PCCA: variants seen among roughly 807,000 people sequenced by gnomAD.
PCCA encodes propionyl-CoA carboxylase alpha chain, mitochondrial.
A neutral mutation model predicts 101.3 loss-of-function variants in PCCA; 74 were observed. That is an observed-to-expected ratio of 0.73 (90% CI 0.61 to 0.89). PCCA has a LOEUF of 0.89. PCCA is among the 40% of genes least tolerant of loss of function. The probability of loss-of-function intolerance (pLI) is 0.00; values close to 1 mark genes in which losing one functional copy is unlikely to be tolerated. For missense variants in PCCA, 891 were observed against 907.0 expected, an observed-to-expected ratio of 0.98 and a Z score of 0.23; for synonymous variants, 294 against 313.6, an observed-to-expected ratio of 0.94 and a Z score of 0.66.
intron 21 of PCCA, among the ~76,000 whole-genome samples, chr13:100,503,142 A>C (rs1248198515): frequency 6.6e-6 from 1 of 152,212 alleles, no homozygotes; most frequent in Non-Finnish European, 1.5e-5. Context: ...GAGGCTCAGC[A>C]CAGCCATGCT....
intron 19 of PCCA, among the ~76,000 whole-genome samples, chr13:100,409,719 A>C (rs2077914217): frequency 6.6e-6 from 1 of 152,192 alleles, no homozygotes; most frequent in African/African-American, 2.4e-5. Context: ...ACAACTGTCC[A>C]AACTATATCA....
At chr13:100,426,327 C>T (rs1489438032) in intron 20 of PCCA, among the ~76,000 whole-genome samples, 1 of 151,522 alleles carries the variant, frequency 6.6e-6, no homozygotes. Flanking sequence ...AAATTCTTCA[C>T]CTTACCTCAT....
At position 100,141,568 on chromosome 13, in the gene PCCA, G is replaced by A. The variant is rs186851082; in HGVS notation, c.301-13411G>A. ...TGGGATTACAGGCATGCACCACCAT[G>A]TCCAGCTGATTTTTTTGTATTTTTA... On this transcript the variant is annotated intron_variant, in intron 4 of 23. Transcript: ENST00000376285. 3.5e-3 allele frequency among the ~76,000 whole-genome samples: 539 copies of A among 152,106 alleles called. 7 individuals carry two copies. The highest frequency in any genetic ancestry group is 0.013 in the African/African-American group (519 of 41,478).
intron 13 of PCCA, 107 bp from the exon 14 acceptor site, chr13:100,302,817 T>G (rs1393186290): frequency 1.3e-6 from 1 of 761,170 alleles, no homozygotes; most frequent in Non-Finnish European, 2.4e-6. Flanking sequence ...GTAAATACCA[T>G]ATGTTGAAAA....
intron 4 of PCCA, among the ~76,000 whole-genome samples, chr13:100,136,040 TG>T (rs1213363437): frequency 1.3e-5 from 2 of 152,150 alleles, no homozygotes; most frequent in African/African-American, 4.8e-5. Context: ...CTTAATTTTT[TG>T]TTAAGGATTT....
intron 7 of PCCA, among the ~76,000 whole-genome samples, chr13:100,222,168 G>A (rs1331913870): frequency 6.6e-6 from 1 of 152,174 alleles, no homozygotes; most frequent in East Asian, 1.9e-4. Flanking sequence ...AGCCTCCGGA[G>A]TAGCTGGGAT....
chr13:100,254,839 T>C (rs1237385267), intron 8 of PCCA, among the ~76,000 whole-genome samples: 4 of 151,988 alleles, frequency 2.6e-5, no homozygotes, highest in South Asian at 4.2e-4. Context: ...CCCAGCACTT[T>C]GGGAGGCCAA....
chr13:100,260,333 T>G (rs1240813623), intron 9 of PCCA, among the ~76,000 whole-genome samples: 4 of 151,980 alleles, frequency 2.6e-5, no homozygotes, highest in Non-Finnish European at 4.4e-5. Flanking sequence ...AAATTTGTCT[T>G]CTAGTCAGTT....
intron 22 of PCCA, chr13:100,527,384 G>A (rs2087931369): frequency 3.8e-6 from 2 of 532,912 alleles, no homozygotes; most frequent in Non-Finnish European, 7.3e-6. Flanking sequence ...ACCTCTGTTA[G>A]TGGCAGAGCC....
At chr13:100,217,980 C>G (rs2059613992) in intron 7 of PCCA, among the ~76,000 whole-genome samples, 1 of 150,884 alleles carries the variant, frequency 6.6e-6, no homozygotes, top group Admixed American at 6.6e-5. Context: ...GAGGCTGAGG[C>G]AGGAGAATCA....
chr13:100,463,685 G>A (rs981872086), intron 21 of PCCA, among the ~76,000 whole-genome samples: 1 of 152,134 alleles, frequency 6.6e-6, no homozygotes, highest in African/African-American at 2.4e-5. Context: ...CAGAGGTGAG[G>A]TCCTAAGCCA....
intron 19 of PCCA, among the ~76,000 whole-genome samples, chr13:100,410,329 A>C (rs1482277709): frequency 6.6e-6 from 1 of 151,780 alleles, no homozygotes; most frequent in African/African-American, 2.4e-5. Flanking sequence ...TGCAACCTCC[A>C]CCTCCTGGGT....
chr13:100,480,212 C>G (rs2083777045), intron 21 of PCCA: 2 of 150,056 alleles, frequency 1.3e-5, no homozygotes. Flanking sequence ...TTGCAAAGCT[C>G]CATATTACTA....
chr13:100,136,331 G>A (rs71439652), intron 4 of PCCA, among the ~76,000 whole-genome samples: 37,747 of 151,484 alleles, frequency 0.25, 5,397 homozygotes, highest in Middle Eastern at 0.44. Context: ...GGTTACAGGC[G>A]TGCACCACCA....
chr13:100,184,841 T>C (rs1032250746), intron 6 of PCCA, among the ~76,000 whole-genome samples: 2 of 152,132 alleles, frequency 1.3e-5, no homozygotes, highest in African/African-American at 4.8e-5. Flanking sequence ...ACAAACGTGG[T>C]GGGCTGGATT....
At chr13:100,212,876 C>G (rs1354060805) in intron 7 of PCCA, among the ~76,000 whole-genome samples, 1 of 151,844 alleles carries the variant, frequency 6.6e-6, no homozygotes, top group East Asian at 1.9e-4. Flanking sequence ...CACCCACCCC[C>G]ACTCCTCCCC....
intron 4 of PCCA, among the ~76,000 whole-genome samples, chr13:100,116,360 A>C (rs1448141045): frequency 6.6e-6 from 1 of 152,188 alleles, no homozygotes; most frequent in Non-Finnish European, 1.5e-5. Flanking sequence ...TAAACAACTA[A>C]TTTTTAAGGT....
At chr13:100,243,052 C>T (rs557821596) in intron 8 of PCCA, among the ~76,000 whole-genome samples, 4 of 152,220 alleles carry the variant, frequency 2.6e-5, no homozygotes, top group African/African-American at 4.8e-5. Context: ...TGCACCACCA[C>T]GCCTGGCTAA....
chr13:100,098,549 G>T (rs1312574406), intron 1 of PCCA, among the ~76,000 whole-genome samples: 1 of 152,212 alleles, frequency 6.6e-6, no homozygotes, highest in East Asian at 1.9e-4. Context: ...GAGCTGTATA[G>T]TTGAGGAACA....
Sources: gnomAD v4.1 joint callset for allele counts (sites outside exome capture counted in the v4.1 genomes callset) on GRCh38, gnomAD v4.1.1 for gene constraint, MANE v1.5 for transcripts, NCBI Gene and HGNC (gene_info 2026-07-23, HGNC 2026-07-21) for gene names.